The following KDM2B variants were observed in gnomAD, a reference collection of about 807,000 sequenced individuals.
KDM2B encodes lysine demethylase 2B, also known as lysine-specific demethylase 2B.
KDM2B carries 26 observed loss-of-function variants against 150.0 expected under a neutral mutation model. That is an observed-to-expected ratio of 0.17 (90% confidence interval 0.13 to 0.24). The LOEUF is 0.24. KDM2B is among the 10% of genes least tolerant of loss of function. The pLI, the probability that KDM2B is intolerant of heterozygous loss-of-function variation, is 1.00. For missense variants in KDM2B, 1,265 were observed against 1,816.9 expected, an observed-to-expected ratio of 0.70 and a Z score of 5.52; for synonymous variants, 734 against 729.5, an observed-to-expected ratio of 1.01 and a Z score of -0.10.
At chr12:121,463,857 G>A (rs1473980724) in intron 12 of KDM2B, among the ~76,000 whole-genome samples, 1 of 151,952 alleles carries the variant, frequency 6.6e-6, no homozygotes, top group Non-Finnish European at 1.5e-5. Flanking sequence ...TGGGATAACC[G>A]GCATGAGCCA....
rs1885385939 is a variant in KDM2B, at chr12:121,509,449, C to T, written c.1647+118G>A. On this transcript the variant is annotated intron_variant, in intron 11 of 22. Coordinates refer to ENST00000377071, the MANE Select transcript of KDM2B (RefSeq NM_032590.5). ...CCCAGAAGCCCCCTCGCAGCGCCCA[C>T]CCGAATGCTCAGAGCAATCTGCACA... 3 of 1,493,718 alleles carry T rather than the reference C, an allele frequency of 2.0e-6. No homozygotes were observed. In the South Asian group the frequency reaches 4.1e-5, roughly 20 times the overall value. The allele number at this position is 1,493,718 out of a possible 1,614,324, so 92.5% of individuals were successfully genotyped here. A position where few individuals can be genotyped will look rare whatever the true frequency, so the allele number is the denominator to read the frequency against.
intron 21 of KDM2B, 104 bp downstream of exon 21, chr12:121,440,712 C>T: frequency 8.8e-7 from 1 of 1,134,286 alleles, no homozygotes; most frequent in Non-Finnish European, 1.3e-6. Flanking sequence ...AGAGACTCAT[C>T]CCTATGTCCT....
downstream of KDM2B, chr12:121,424,277 A>G (rs1555283955): frequency 6.5e-6 from 1 of 152,698 alleles, no homozygotes; most frequent in Non-Finnish European, 1.5e-5. Context: ...ATTGTTTTGT[A>G]TAGTGAAGGT....
At chr12:121,572,822 ATTTTTTT>A (rs33946368) in intron 4 of KDM2B, among the ~76,000 whole-genome samples, 3 of 100,202 alleles carry the variant, frequency 3.0e-5, no homozygotes, top group African/African-American at 1.2e-4. Flanking sequence ...ACCTGGATAA[ATTTTTTT>A]TTTTTTTTTT....
chr12:121,559,247 G>A (rs1890146736), intron 4 of KDM2B, among the ~76,000 whole-genome samples: 1 of 152,116 alleles, frequency 6.6e-6, no homozygotes, highest in Admixed American at 6.6e-5. Context: ...GGAGCAGAAG[G>A]TCGGGAGGCT....
intron 11 of KDM2B, among the ~76,000 whole-genome samples, chr12:121,506,822 G>T (rs990165645): frequency 6.6e-6 from 1 of 152,158 alleles, no homozygotes; most frequent in Non-Finnish European, 1.5e-5. Context: ...TGTAATCCCA[G>T]CTACTAGGGA....
At chr12:121,536,915 G>A (rs1264247896) in intron 6 of KDM2B, among the ~76,000 whole-genome samples, 1 of 152,124 alleles carries the variant, frequency 6.6e-6, no homozygotes, top group African/African-American at 2.4e-5. Context: ...CCAGCTCCCC[G>A]CAACCCCGAC....
intron 12 of KDM2B, 167 bp downstream of exon 12, chr12:121,494,412 T>C: frequency 1.8e-6 from 1 of 571,266 alleles, no homozygotes; most frequent in Non-Finnish European, 3.1e-6. Context: ...AGCAACCCCC[T>C]TTTAAAAACA....
rs781923745 is a variant in KDM2B, at chr12:121,574,563, G to A, written c.381C>T (p.Asp127=). 2.0e-5 allele frequency: 33 copies of A among 1,613,854 alleles called. No individual in the cohort carries two copies. Among genetic ancestry groups the A allele is most frequent in the Non-Finnish European group, 2.4e-5 (28 of 1,179,924 alleles). Residue 127 remains aspartate (D), a synonymous_variant, in exon 4 of 23, where the codon GAC becomes GAT. Coordinates refer to ENST00000377071, the MANE Select transcript of KDM2B (RefSeq NM_032590.5). ...KMPDPDFTVR[D]VKLLVGSRRL... ...GCGACTTACCCACTAGGAGTTTGAC[G>A]TCTCGGACTGTGAAATCAGGGTCAG...
At chr12:121,507,117 A>G (rs1310432886) in intron 11 of KDM2B, among the ~76,000 whole-genome samples, 8 of 150,846 alleles carry the variant, frequency 5.3e-5, no homozygotes, top group African/African-American at 9.8e-5. Context: ...AAAAAAAAAA[A>G]GACAGCTAAG....
At chr12:121,423,417 A>G in the KDM2B span, 5 of 1,611,334 alleles carry the variant, frequency 3.1e-6, no homozygotes, top group East Asian at 6.7e-5. The surrounding 1 kb of genome is among the most constrained non-coding windows in gnomAD (Gnocchi z 4.3). Flanking sequence ...AGGATGAGGA[A>G]GACGACAGCC....
chr12:121,456,857 A>C lies in KDM2B; in HGVS notation c.1735-3513T>G, dbSNP rs554870266. Among the ~76,000 whole-genome samples, 221 of 152,306 alleles carry C rather than the reference A, an allele frequency of 1.5e-3. 1 individual carries two copies. Among genetic ancestry groups the C allele is most frequent in the African/African-American group, 4.9e-3 (205 of 41,572 alleles). ...GAGCACATACCAGACAACATCCTGA[A>C]AGAAGAGGTGTGAGAAGCTGCAGTC... On this transcript the variant is annotated intron_variant, in intron 12 of 22. Transcript: ENST00000377071.
chr12:121,516,186 C>G (rs1555304953), intron 9 of KDM2B, among the ~76,000 whole-genome samples: 2 of 152,092 alleles, frequency 1.3e-5, no homozygotes, highest in Admixed American at 6.5e-5. Context: ...ATTGGTAAAA[C>G]TCTGAAGTCG....
At chr12:121,577,848 C>G (rs1891611400) in intron 2 of KDM2B, among the ~76,000 whole-genome samples, 1 of 152,196 alleles carries the variant, frequency 6.6e-6, no homozygotes, top group Non-Finnish European at 1.5e-5. Flanking sequence ...ACACTGGCTG[C>G]AGGCTGGGAA....
the KDM2B span, chr12:121,423,602 C>A: frequency 6.3e-7 from 1 of 1,597,364 alleles, no homozygotes; most frequent in Non-Finnish European, 8.6e-7. The surrounding 1 kb of genome is among the most constrained non-coding windows in gnomAD (Gnocchi z 4.3). Context: ...CCAGGACAGT[C>A]ACCCCCAAAC....
intron 10 of KDM2B, among the ~76,000 whole-genome samples, chr12:121,510,424 T>A (rs1371556252): frequency 2.6e-5 from 4 of 152,146 alleles, no homozygotes; most frequent in Non-Finnish European, 4.4e-5. Flanking sequence ...GTTTTTTTTT[T>A]AAGCTTTTTT....
At chr12:121,551,618 T>C (rs1889504759) in intron 4 of KDM2B, among the ~76,000 whole-genome samples, 1 of 152,176 alleles carries the variant, frequency 6.6e-6, no homozygotes, top group East Asian at 1.9e-4. Flanking sequence ...AGTGGCACAA[T>C]CTCAGCTTAC....
At chr12:121,422,094 A>G in the KDM2B span, among the ~76,000 whole-genome samples, 1 of 152,218 alleles carries the variant, frequency 6.6e-6, no homozygotes, top group African/African-American at 2.4e-5. Flanking sequence ...AAATGTAAAT[A>G]GCAACTATGT....
chr12:121,580,931 G>A lies in KDM2B; in HGVS notation c.-20C>T. The A allele has an allele frequency of 6.2e-7, 1 of 1,611,074 alleles. No individual in the cohort carries two copies. Among genetic ancestry groups the A allele is most frequent in the Non-Finnish European group, 8.5e-7 (1 of 1,178,994 alleles). On this transcript the variant is annotated 5_prime_UTR_variant, in exon 1 of 23. Transcript: ENST00000377071. ...CGCCATGTGGAGGAGGCATTTGGGGGGCTCAGAAGGAAATTAGCTCGGCTT... is the reference window on the plus strand; with the variant it reads ...CGCCATGTGGAGGAGGCATTTGGGGAGCTCAGAAGGAAATTAGCTCGGCTT...
Sources: gnomAD v4.1 joint callset for allele counts (sites outside exome capture counted in the v4.1 genomes callset) on GRCh38, gnomAD v4.1.1 for gene constraint, Gnocchi (gnomAD v3.1) non-coding constraint, MANE v1.5 for transcripts, NCBI Gene and HGNC (gene_info 2026-07-23, HGNC 2026-07-21) for gene names.